ZNF26: variants seen among roughly 807,000 people sequenced by gnomAD.
The protein encoded by ZNF26 is epididymis luminal protein 179.
In ZNF26, 32 loss-of-function variants were observed where a neutral mutation model predicts 54.9. The observed-to-expected ratio is 0.58, with a 90% confidence interval of 0.44 to 0.78. The LOEUF (loss-of-function observed/expected upper bound fraction) is 0.78. Among genes scored for constraint, ZNF26 ranks in the 30% least tolerant of loss-of-function variants. ZNF26 has a pLI of 0.00. For synonymous variants in ZNF26, 221 were observed against 209.2 expected (o/e 1.06, Z -0.49); for missense variants, 524 against 634.0 (o/e 0.83, Z 1.86).
chr12:132,991,657 A>AG (rs35820063), intron 1 of ZNF26, among the ~76,000 whole-genome samples: 19 of 148,762 alleles, frequency 1.3e-4, no homozygotes, highest in Admixed American at 2.7e-4. Context: ...TAAAAAAAAA[A>AG]CCAGGTGTGC....
intron 1 of ZNF26, among the ~76,000 whole-genome samples, chr12:133,000,869 C>T (rs1043008541): frequency 6.6e-6 from 1 of 152,006 alleles, no homozygotes; most frequent in Non-Finnish European, 1.5e-5. Flanking sequence ...TGTTTTCATT[C>T]GTATCAAGCT....
At position 132,986,519 on chromosome 12, in the gene ZNF26, C is replaced by T; in HGVS notation, c.-322C>T. The T allele has an allele frequency of 2.2e-6, 1 of 464,148 alleles. No homozygotes were observed. The highest frequency in any genetic ancestry group is 3.8e-5 in the East Asian group (1 of 26,640). 28.8% of individuals were successfully genotyped at this position (464,148 alleles called of 1,614,324 possible). ...CGGATTATCCTGGGCAGACCAGAGA[C>T]TTGACCAGCTAAACACTTCCGTCGG... On this transcript the variant is annotated 5_prime_UTR_variant, in exon 1 of 4. Coordinates refer to ENST00000328654, the MANE Select transcript of ZNF26 (RefSeq NM_019591.4).
intron 1 of ZNF26, among the ~76,000 whole-genome samples, chr12:133,003,295 G>A (rs1263867761): frequency 2.2e-5 from 3 of 136,620 alleles, no homozygotes; most frequent in African/African-American, 8.2e-5. Flanking sequence ...TCGCTCTGTT[G>A]CCCAGCTGGA....
In ZNF26 at chr12:133,011,309, C is replaced by T. The variant is rs1288925699; in HGVS notation, c.1430C>T (p.Ser477Leu). Reference protein sequence around the residue: ...ASLQIHQKTHSGEKPFKCSEC... With the variant: ...ASLQIHQKTHLGEKPFKCSEC... ...CTTCAGATACACCAGAAAACTCATT[C>T]GGGAGAGAAACCTTTTAAATGCAGT... The change falls in exon 4 of 4, where the codon TCG (serine) becomes TTG (leucine). Residue 477 changes from serine to leucine, a missense_variant. By Grantham distance (145) the Ser-to-Leu change is moderately radical. Coordinates refer to ENST00000328654, the MANE Select transcript of ZNF26 (RefSeq NM_019591.4). 2.8e-5 allele frequency: 45 copies of T among 1,613,794 alleles called. No individual in the cohort carries two copies. The highest frequency in any genetic ancestry group is 1.6e-4 in the Middle Eastern group (1 of 6,084).
At chr12:132,990,093 G>C (rs994651100) in intron 1 of ZNF26, among the ~76,000 whole-genome samples, 2 of 152,028 alleles carry the variant, frequency 1.3e-5, no homozygotes, top group Non-Finnish European at 2.9e-5. Context: ...GGACCAGCCT[G>C]GGCAACATAG....
In ZNF26 at chr12:133,012,604, T is replaced by TTTTTTTTTTTTTTTTTTTTTTTTC. The variant is rs1953505751; in HGVS notation, c.*1128_*1129insTTTTTTTTTTTTTTTTTTCTTTTT. ...TTTTTTTTTTTTTTTTTTTTTTTTT[T>TTTTTTTTTTTTTTTTTTTTTTTTC]TTTTTGAGACTAAGTTTCACTCTTG... On this transcript the variant is annotated 3_prime_UTR_variant, in exon 4 of 4. Transcript: ENST00000328654. The TTTTTTTTTTTTTTTTTTTTTTTTC allele has an allele frequency of 2.2e-5, 3 of 137,894 alleles. No homozygotes were observed. Among genetic ancestry groups the TTTTTTTTTTTTTTTTTTTTTTTTC allele is most frequent in the African/African-American group, 8.4e-5 (3 of 35,622 alleles). 8.5% of individuals were successfully genotyped at this position (137,894 alleles called of 1,614,324 possible).
Position 133,010,602 on chromosome 12 carries a change from C to T in ZNF26, c.723C>T (p.Phe241=). Residue 241 remains phenylalanine (F), a synonymous_variant, in exon 4 of 4, where the codon TTC becomes TTT. Coordinates refer to ENST00000328654, the MANE Select transcript of ZNF26 (RefSeq NM_019591.4). ...SCSECEKVFS[F]RSQLIVHQEI... is the part of the protein sequence containing the mutation. Reference sequence around the variant, plus strand: ...GTGAGTGCGAGAAGGTCTTCTCTTTCAGGTCACAGCTCATTGTCCATCAGG... The same window carrying T: ...GTGAGTGCGAGAAGGTCTTCTCTTTTAGGTCACAGCTCATTGTCCATCAGG... The T allele has an allele frequency of 6.2e-7, 1 of 1,614,024 alleles. No homozygotes were observed. Among genetic ancestry groups the T allele is most frequent in the Non-Finnish European group, 8.5e-7 (1 of 1,180,014 alleles).
chr12:133,006,214 G>T, intron 1 of ZNF26: 1 of 985,422 alleles, frequency 1.0e-6, no homozygotes, highest in Non-Finnish European at 1.2e-6. Flanking sequence ...GCCATGTAAG[G>T]TGGAGCAAGA....
intron 3 of ZNF26, among the ~76,000 whole-genome samples, chr12:133,009,765 G>A (rs1411175366): frequency 2.0e-5 from 3 of 151,954 alleles, no homozygotes; most frequent in East Asian, 3.9e-4. Context: ...GTGTAGTGGC[G>A]TGATCTCGGC....
intron 1 of ZNF26, 86 bp from the exon 2 acceptor site, chr12:133,006,956 C>T (rs1444862740): frequency 8.1e-6 from 12 of 1,481,840 alleles, no homozygotes; most frequent in Non-Finnish European, 7.5e-6. Context: ...GGTAGAGGAA[C>T]ATTTATCCCT....
chr12:133,007,030 G>T lies in ZNF26; in HGVS notation c.34-12G>T. 6.2e-7 allele frequency: 1 copy of T among 1,614,118 alleles called. No individual in the cohort carries two copies. The highest frequency in any genetic ancestry group is 8.5e-7 in the Non-Finnish European group (1 of 1,179,972). ...AATTGCATCCAATTGAACAGGGTGT[G>T]TGTTATTTCAGGGATTATTGTCATT... On this transcript the variant is annotated splice_polypyrimidine_tract_variant and intron_variant, in intron 1 of 3. Transcript: ENST00000328654.
intron 1 of ZNF26, among the ~76,000 whole-genome samples, chr12:132,990,053 G>T (rs1004297877): frequency 2.6e-5 from 4 of 152,090 alleles, no homozygotes; most frequent in Non-Finnish European, 5.9e-5. Flanking sequence ...GGAGGCTGAG[G>T]CAGGAGGATA....
rs1459736896 is a variant in ZNF26 at position 132,986,382 on chromosome 12, C to A, written c.-459C>A. On this transcript the variant is annotated 5_prime_UTR_variant, in exon 1 of 4. Coordinates refer to ENST00000328654, the MANE Select transcript of ZNF26 (RefSeq NM_019591.4). ...CATGCGCCGCACTCCCGGCCTTAGT[C>A]GGGTGCGCGCGTGCAGGGCTGTTTC... The A allele has an allele frequency of 6.2e-6, 1 of 161,334 alleles. No individual in the cohort carries two copies. Among genetic ancestry groups the A allele is most frequent in the Non-Finnish European group, 1.4e-5 (1 of 73,912 alleles). 10.0% of individuals were successfully genotyped at this position (161,334 alleles called of 1,614,324 possible).
At chr12:133,008,514 T>C (rs1953386137) in intron 3 of ZNF26, among the ~76,000 whole-genome samples, 1 of 152,088 alleles carries the variant, frequency 6.6e-6, no homozygotes, top group Non-Finnish European at 1.5e-5. Context: ...CGGTGGCTCA[T>C]GCCTGTAATC....
rs771205849 is a variant in ZNF26 at position 132,992,112 on chromosome 12, C to T, written c.33+5239C>T. ...GCAGTGAGCCAAGATCATGCCACTG[C>T]ACTCCAGCCTGGGCAACAGGGTAAG... On this transcript the variant is annotated intron_variant, in intron 1 of 3. Coordinates refer to ENST00000328654, the MANE Select transcript of ZNF26 (RefSeq NM_019591.4). Among the ~76,000 whole-genome samples, 306 of 151,742 alleles carry T rather than the reference C, an allele frequency of 2.0e-3. 4 individuals are homozygous for T. Among genetic ancestry groups the T allele is most frequent in the Non-Finnish European group, 6.2e-4 (42 of 67,936 alleles).
chr12:133,003,099 A>T (rs1489723379), intron 1 of ZNF26, among the ~76,000 whole-genome samples: 3 of 151,910 alleles, frequency 2.0e-5, no homozygotes, highest in Non-Finnish European at 4.4e-5. Context: ...CTGTTCCCAA[A>T]GCTTTTGGGG....
intron 1 of ZNF26, among the ~76,000 whole-genome samples, chr12:132,987,498 A>G (rs1471795303): frequency 1.3e-5 from 2 of 152,148 alleles, no homozygotes; most frequent in Non-Finnish European, 2.9e-5. Context: ...AGTCTTTACA[A>G]GTGATTTGAT....
Position 133,011,193 on chromosome 12 carries a change from A to C in ZNF26, c.1314A>C (p.Lys438Asn). The change falls in exon 4 of 4, where the codon AAA (lysine) becomes AAC (asparagine). Residue 438 changes from lysine (K) to asparagine (N), a missense_variant. Lys to Asn is a moderately conservative substitution (Grantham distance 94). Transcript: ENST00000328654. ...CSLCERAFCG[K>N]SQLIIHQRTH... ...TGTGTGAGAGAGCCTTTTGTGGAAA[A>C]TCACAGCTGATTATACATCAGAGAA... 6 of 1,614,170 alleles carry C rather than the reference A, an allele frequency of 3.7e-6. No individual in the cohort carries two copies. Among genetic ancestry groups the C allele is most frequent in the Non-Finnish European group, 5.1e-6 (6 of 1,180,032 alleles).
rs1225742690 is a variant in ZNF26 at position 133,015,921 on chromosome 12, ACT to A, written c.*4443_*4444del. 6.6e-6 allele frequency: 1 copy of A among 151,970 alleles called. No individual in the cohort carries two copies. Among genetic ancestry groups the A allele is most frequent in the East Asian group, 1.9e-4 (1 of 5,184 alleles). The allele number at this position is 151,970 out of a possible 1,614,324, so 9.4% of individuals were successfully genotyped here. A position where few individuals can be genotyped will look rare whatever the true frequency, so the allele number is the denominator to read the frequency against. ...TGTTTATTGATGGAATGTTTGTGTGACTCTTTAATAGAAGTCTGAACTAGGTA... is the reference window on the plus strand; with the variant it reads ...TGTTTATTGATGGAATGTTTGTGTGACTTTAATAGAAGTCTGAACTAGGTA... On this transcript the variant is annotated 3_prime_UTR_variant, in exon 4 of 4. Coordinates refer to ENST00000328654, the MANE Select transcript of ZNF26 (RefSeq NM_019591.4).
Sources: allele counts gnomAD v4.1 joint callset (sites outside exome capture counted in the v4.1 genomes callset), GRCh38; gene constraint gnomAD v4.1.1; transcripts MANE v1.5; gene names NCBI Gene and HGNC (gene_info 2026-07-23, HGNC 2026-07-21).